CNTN6: variants seen among roughly 807,000 people sequenced by gnomAD.
CNTN6 encodes the protein contactin 6.
Under a neutral mutation model 122.8 loss-of-function variants are expected in CNTN6, and 137 were observed. The ratio of observed to expected loss-of-function variants is 1.12; its 90% CI spans 0.97 to 1.29. CNTN6 has a LOEUF of 1.29. Ranked by LOEUF, CNTN6 falls within the 50% of genes most tolerant of loss-of-function variation. CNTN6 has a pLI of 0.00. For synonymous variants in CNTN6, 570 were observed against 426.0 expected, an observed-to-expected ratio of 1.34 and a Z score of -4.16; for missense variants, 1,634 against 1,223.4, an observed-to-expected ratio of 1.34 and a Z score of -5.01.
intron 1 of CNTN6, among the ~76,000 whole-genome samples, chr3:1,102,795 A>T (rs2090998148): frequency 6.7e-6 from 1 of 149,362 alleles, no homozygotes; most frequent in South Asian, 2.2e-4. Context: ...TATATAATAC[A>T]CAGAAAACAT....
At chr3:1,095,010 T>C (rs1203459562) in intron 1 of CNTN6, among the ~76,000 whole-genome samples, 7 of 152,228 alleles carry the variant, frequency 4.6e-5, no homozygotes, top group East Asian at 1.9e-4. Context: ...GCGACTATCA[T>C]TGGAGACATA....
At chr3:1,112,225 C>G in intron 1 of CNTN6, among the ~76,000 whole-genome samples, 1 of 152,164 alleles carries the variant, frequency 6.6e-6, no homozygotes, top group East Asian at 1.9e-4. Flanking sequence ...AAGATAGACA[C>G]TGTGTTAGTC....
At chr3:1,317,182 G>C (rs1700205144) in intron 7 of CNTN6, among the ~76,000 whole-genome samples, 1 of 151,782 alleles carries the variant, frequency 6.6e-6, no homozygotes, top group Non-Finnish European at 1.5e-5. Context: ...AAATGCATTT[G>C]ATTAGACTTT....
chr3:1,105,489 A>G (rs2091174878), intron 1 of CNTN6, among the ~76,000 whole-genome samples: 1 of 152,162 alleles, frequency 6.6e-6, no homozygotes, highest in Non-Finnish European at 1.5e-5. Flanking sequence ...GAAACCTTGA[A>G]AAATGTTTTA....
chr3:1,273,657 G>A (rs567600125), intron 4 of CNTN6, among the ~76,000 whole-genome samples: 6 of 152,156 alleles, frequency 3.9e-5, no homozygotes, highest in African/African-American at 1.4e-4. Context: ...TTTAAAACGT[G>A]AATTATTAAT....
intron 7 of CNTN6, among the ~76,000 whole-genome samples, chr3:1,312,792 G>C (rs999324899): frequency 1.1e-4 from 16 of 150,548 alleles, no homozygotes; most frequent in Admixed American, 3.3e-4. Flanking sequence ...TCTGTGGAAA[G>C]ACAGACTTTG....
chr3:1,318,659 C>T (rs1355674407), intron 7 of CNTN6, among the ~76,000 whole-genome samples: 1 of 151,674 alleles, frequency 6.6e-6, no homozygotes, highest in Non-Finnish European at 1.5e-5. Context: ...TGATTCAATC[C>T]TATAGCTCTG....
intron 2 of CNTN6, among the ~76,000 whole-genome samples, chr3:1,160,151 A>G (rs937102509): frequency 4.0e-5 from 6 of 151,840 alleles, no homozygotes; most frequent in African/African-American, 1.5e-4. Context: ...ATTAAAATCC[A>G]AAATATCTCA....
chr3:1,161,096 C>A (rs1358067073), intron 2 of CNTN6, among the ~76,000 whole-genome samples: 3 of 151,906 alleles, frequency 2.0e-5, no homozygotes. Context: ...ATCTGGAAAT[C>A]ACTCATGGGT....
chr3:1,125,329 C>G (rs987453386), intron 1 of CNTN6, among the ~76,000 whole-genome samples: 1 of 151,944 alleles, frequency 6.6e-6, no homozygotes. Flanking sequence ...AAAACTAAAT[C>G]TTGAATAAAT....
At chr3:1,287,406 A>G (rs1434466174) in intron 5 of CNTN6, among the ~76,000 whole-genome samples, 1 of 152,186 alleles carries the variant, frequency 6.6e-6, no homozygotes, top group Non-Finnish European at 1.5e-5. Context: ...GTTGAAAACC[A>G]CTGGTACAGC....
In CNTN6 at chr3:1,133,737, T is replaced by A. The variant is rs911287829; in HGVS notation, c.-82-14190T>A. Among the ~76,000 whole-genome samples the A allele has an allele frequency of 9.9e-5, 15 of 152,154 alleles. 1 individual carries two copies. Among genetic ancestry groups the A allele is most frequent in the Non-Finnish European group, 5.9e-5 (4 of 68,024 alleles). ...GGGCCATGCAAGATAAACTCCTAGA[T>A]TAGGTTGGTAGCTATGCTCTAGAAT... On this transcript the variant is annotated intron_variant, in intron 1 of 22. Coordinates refer to ENST00000446702, the MANE Select transcript of CNTN6 (RefSeq NM_001289080.2).
intron 1 of CNTN6, among the ~76,000 whole-genome samples, chr3:1,134,283 C>G (rs548222392): frequency 6.6e-6 from 1 of 152,162 alleles, no homozygotes; most frequent in Non-Finnish European, 1.5e-5. Context: ...AATCTGAGAC[C>G]AGAGTTGTTG....
intron 4 of CNTN6, among the ~76,000 whole-genome samples, chr3:1,260,737 G>A (rs2094832114): frequency 6.6e-6 from 1 of 151,946 alleles, no homozygotes; most frequent in African/African-American, 2.4e-5. Flanking sequence ...GTTCTCACGA[G>A]ATCTGATAAT....
chr3:1,222,461 C>CATAA (rs1165189974), intron 3 of CNTN6, among the ~76,000 whole-genome samples: 3 of 151,974 alleles, frequency 2.0e-5, no homozygotes, highest in African/African-American at 7.2e-5. Context: ...AAGACAGACA[C>CATAA]ATAAATACAT....
intron 11 of CNTN6, among the ~76,000 whole-genome samples, chr3:1,343,833 A>G (rs1704245924): frequency 6.6e-6 from 1 of 152,140 alleles, no homozygotes; most frequent in Admixed American, 6.6e-5. Context: ...TCCTAAATTA[A>G]CATGGCCAAA....
Position 1,385,689 on chromosome 3 carries a change from A to G in CNTN6, c.2596A>G (p.Ile866Val), listed in dbSNP as rs1423730485. ...CAGTGGAAATGTCACAACCAAAAAC[A>G]TCACGGGGCTGAAAGCTAATACCAT... ...RVSGNVTTKN[I>V]TGLKANTIYF... The change falls in exon 20 of 23, where the codon ATC (isoleucine) becomes GTC (valine). Residue 866 changes from isoleucine (I) to valine (V), a missense_variant. Ile to Val is a conservative substitution (Grantham distance 29). Transcript: ENST00000446702. 3 of 1,614,186 alleles carry G rather than the reference A, an allele frequency of 1.9e-6. No individual in the cohort carries two copies. Among genetic ancestry groups the G allele is most frequent in the Non-Finnish European group, 2.5e-6 (3 of 1,179,986 alleles).
intron 5 of CNTN6, among the ~76,000 whole-genome samples, chr3:1,289,036 AC>A (rs1367408278): frequency 1.3e-5 from 2 of 152,246 alleles, no homozygotes; most frequent in African/African-American, 4.8e-5. Flanking sequence ...AAAATGCATC[AC>A]AACCGTTAAT....
chr3:1,182,620 T>A (rs990729844), intron 2 of CNTN6, among the ~76,000 whole-genome samples: 1 of 152,058 alleles, frequency 6.6e-6, no homozygotes, highest in Non-Finnish European at 1.5e-5. Flanking sequence ...TTTTTAATTT[T>A]TAGCTTCAGA....
Sources: gnomAD v4.1 joint callset for allele counts (sites outside exome capture counted in the v4.1 genomes callset) on GRCh38, gnomAD v4.1.1 for gene constraint, MANE v1.5 for transcripts, NCBI Gene and HGNC (gene_info 2026-07-23, HGNC 2026-07-21) for gene names.